The following LHFPL1 variants were observed in gnomAD, a reference collection of about 807,000 sequenced individuals.
LHFPL1 encodes LHFPL tetraspan subfamily member 1 protein.
LHFPL1 carries 4 observed loss-of-function variants against 12.1 expected under a neutral mutation model. The observed-to-expected ratio is 0.33, with a 90% CI of 0.16 to 0.76. LHFPL1 has a LOEUF of 0.76. LHFPL1 is among the 30% of genes least tolerant of loss of function. LHFPL1 has a pLI of 0.61. For missense variants in LHFPL1, 141 were observed against 174.1 expected (o/e 0.81, Z 1.07); for synonymous variants, 52 against 61.9 (o/e 0.84, Z 0.75).
At chrX:112,675,190 G>A (rs1931623217) in intron 1 of LHFPL1, among the ~76,000 whole-genome samples, 1 of 110,830 alleles carries the variant, frequency 9.0e-6, no homozygotes, top group Non-Finnish European at 1.9e-5. Context: ...TGATGGGTGC[G>A]CCAAAATCTC....
intron 2 of LHFPL1, 96 bp downstream of exon 2, chrX:112,670,913 A>G (rs758717801): frequency 8.4e-5 from 79 of 937,224 alleles, no homozygotes; most frequent in Non-Finnish European, 1.1e-4. Context: ...GACAAAGTGA[A>G]GGGGGTGAGA....
At chrX:112,646,769 G>T (rs898287575) in intron 3 of LHFPL1, among the ~76,000 whole-genome samples, 1 of 110,689 alleles carries the variant, frequency 9.0e-6, no homozygotes, top group African/African-American at 3.3e-5. Flanking sequence ...GGGGAGACAG[G>T]ATGCATCACT....
intron 3 of LHFPL1, among the ~76,000 whole-genome samples, chrX:112,644,257 T>C (rs1432283205): frequency 1.8e-5 from 2 of 111,484 alleles, no homozygotes; most frequent in Non-Finnish European, 3.8e-5. Context: ...ATTACTTTCT[T>C]TTTTTTTCTT....
At chrX:112,650,477 G>A (rs1051994488) in intron 3 of LHFPL1, among the ~76,000 whole-genome samples, 1 of 111,660 alleles carries the variant, frequency 9.0e-6, no homozygotes, top group African/African-American at 3.3e-5. Flanking sequence ...GGTCACCTTT[G>A]TCTGACTGAC....
At chrX:112,657,968 G>C (rs1049432190) in intron 3 of LHFPL1, among the ~76,000 whole-genome samples, 2 of 108,271 alleles carry the variant, frequency 1.8e-5, no homozygotes, top group Non-Finnish European at 3.8e-5. Flanking sequence ...AATTATTTTT[G>C]TACTTCAAAG....
intron 3 of LHFPL1, among the ~76,000 whole-genome samples, chrX:112,639,869 T>C (rs1930452415): frequency 2.7e-5 from 3 of 112,138 alleles, no homozygotes; most frequent in Admixed American, 9.4e-5. Flanking sequence ...CAGCTACACC[T>C]GGAGCAGATT....
intron 3 of LHFPL1, among the ~76,000 whole-genome samples, chrX:112,653,559 C>T (rs1000281200): frequency 2.7e-5 from 3 of 112,323 alleles, no homozygotes; most frequent in Non-Finnish European, 5.6e-5. Context: ...AGTGGGTCTC[C>T]TATTCTCTGC....
Position 112,660,593 on chromosome X carries a change from G to A in LHFPL1, c.481+34C>T, listed in dbSNP as rs375946120. On this transcript the variant is annotated intron_variant, in intron 3 of 3. Coordinates refer to ENST00000371968, the MANE Select transcript of LHFPL1 (RefSeq NM_178175.4). ...GCACTTTGGAAAACACATTTCCCAT[G>A]AACCATCACTGCCATCTGCCCAGGC... 7 of 1,104,105 alleles carry A rather than the reference G, an allele frequency of 6.3e-6. No individual in the cohort carries two copies. The African/African-American group carries it at 1.3e-4, about 20-fold the overall frequency. The allele number at this position is 1,104,105 out of a possible 1,213,427, so 91.0% of individuals were successfully genotyped here. A position where few individuals can be genotyped will look rare whatever the true frequency, so the allele number is the denominator to read the frequency against.
chrX:112,643,205 C>A (rs1377806754), intron 3 of LHFPL1, among the ~76,000 whole-genome samples: 2 of 107,575 alleles, frequency 1.9e-5, no homozygotes, highest in Non-Finnish European at 3.8e-5. Context: ...ATGGTGAAAC[C>A]CTGTCTCTAC....
chrX:112,642,399 G>A (rs1368181137), intron 3 of LHFPL1, among the ~76,000 whole-genome samples: 1 of 102,797 alleles, frequency 9.7e-6, no homozygotes, highest in Non-Finnish European at 2.0e-5. Flanking sequence ...TTGAGACGGG[G>A]CTTCACCATG....
chrX:112,649,121 A>C (rs1371983942), intron 3 of LHFPL1, among the ~76,000 whole-genome samples: 3 of 112,258 alleles, frequency 2.7e-5, no homozygotes, highest in Non-Finnish European at 5.6e-5. Flanking sequence ...GTTTTAGGGT[A>C]CATGTGCACA....
intron 3 of LHFPL1, among the ~76,000 whole-genome samples, chrX:112,646,089 T>G (rs1222315760): frequency 9.0e-6 from 1 of 111,612 alleles, no homozygotes; most frequent in African/African-American, 3.3e-5. Context: ...TTAATGTTTG[T>G]TCATTTTCTG....
intron 2 of LHFPL1, among the ~76,000 whole-genome samples, chrX:112,663,600 G>A (rs1900572945): frequency 8.9e-6 from 1 of 111,853 alleles, no homozygotes. Context: ...ACACAGAAAG[G>A]GAAAATGATT....
At chrX:112,635,604 G>A (rs150905917) in intron 3 of LHFPL1, among the ~76,000 whole-genome samples, 179 of 112,307 alleles carry the variant, frequency 1.6e-3, no homozygotes, top group African/African-American at 5.8e-3. Flanking sequence ...ATTTTCTATT[G>A]TAGTATGAAT....
intron 3 of LHFPL1, among the ~76,000 whole-genome samples, chrX:112,636,318 G>A (rs12559077): frequency 0.17 from 18,494 of 110,928 alleles, 2,237 homozygotes; most frequent in African/African-American, 0.41. Context: ...CAGAGGTCAC[G>A]GACACTGCTA....
At chrX:112,672,968 A>G (rs1931551931) in intron 1 of LHFPL1, among the ~76,000 whole-genome samples, 1 of 111,766 alleles carries the variant, frequency 8.9e-6, no homozygotes, top group African/African-American at 3.3e-5. Flanking sequence ...AAGCAGCAAC[A>G]TCAGAACCTG....
intron 3 of LHFPL1, among the ~76,000 whole-genome samples, chrX:112,639,193 C>T (rs1405372783): frequency 1.1e-5 from 1 of 90,758 alleles, no homozygotes; most frequent in African/African-American, 4.2e-5. Flanking sequence ...AGTAAAAAGA[C>T]AGCCAAAGCT....
chrX:112,667,836 GC>G (rs1029041536), intron 2 of LHFPL1, among the ~76,000 whole-genome samples: 19 of 110,632 alleles, frequency 1.7e-4, no homozygotes, highest in African/African-American at 6.3e-4. Flanking sequence ...GGACCCATGG[GC>G]CCCATCAGGT....
intron 1 of LHFPL1, among the ~76,000 whole-genome samples, chrX:112,671,962 G>T (rs959284012): frequency 9.0e-6 from 1 of 111,594 alleles, no homozygotes; most frequent in Non-Finnish European, 1.9e-5. Context: ...AGAGTTACAG[G>T]TTGTTCCCAT....
Sources: allele counts gnomAD v4.1 joint callset (sites outside exome capture counted in the v4.1 genomes callset), GRCh38; gene constraint gnomAD v4.1.1; transcripts MANE v1.5; gene names NCBI Gene and HGNC (gene_info 2026-07-23, HGNC 2026-07-21).